The following ARB2A variants were observed in gnomAD, a reference collection of about 807,000 sequenced individuals.
ARB2A encodes the protein ARB2 cotranscriptional regulator A, also known as cotranscriptional regulator ARB2A.
chr5:94,011,254 C>A, the ARB2A span, among the ~76,000 whole-genome samples: 1 of 152,164 alleles, frequency 6.6e-6, no homozygotes, highest in Non-Finnish European at 1.5e-5. Flanking sequence ...AAGTGCTCCT[C>A]GGCCTAGTGC....
At chr5:94,097,012 T>C in the ARB2A span, among the ~76,000 whole-genome samples, 1 of 152,148 alleles carries the variant, frequency 6.6e-6, no homozygotes, top group Non-Finnish European at 1.5e-5. Flanking sequence ...GGAGAGCTGC[T>C]TGGAGAAGTG....
the ARB2A span, among the ~76,000 whole-genome samples, chr5:94,072,627 A>G: frequency 6.6e-6 from 1 of 152,098 alleles, no homozygotes; most frequent in Non-Finnish European, 1.5e-5. Context: ...ACTAATACAT[A>G]CGAACTAAGA....
chr5:94,027,342 C>G, the ARB2A span, among the ~76,000 whole-genome samples: 1 of 152,198 alleles, frequency 6.6e-6, no homozygotes, highest in Non-Finnish European at 1.5e-5. Context: ...GGGGGCCAGT[C>G]ACCAGAAAGA....
At chr5:93,979,704 C>G in the ARB2A span, among the ~76,000 whole-genome samples, 222 of 152,000 alleles carry the variant, frequency 1.5e-3, 3 homozygotes, top group Non-Finnish European at 2.2e-4. Context: ...AGGTTTTATT[C>G]TTTGTAGTTA....
At chr5:94,011,968 A>G in the ARB2A span, among the ~76,000 whole-genome samples, 1 of 151,246 alleles carries the variant, frequency 6.6e-6, no homozygotes, top group Admixed American at 6.6e-5. Flanking sequence ...AGACGAGGCA[A>G]AGGACACGGA....
the ARB2A span, among the ~76,000 whole-genome samples, chr5:93,775,325 T>A: frequency 2.0e-5 from 3 of 152,224 alleles, no homozygotes; most frequent in African/African-American, 7.2e-5. Context: ...CATAAAGTAG[T>A]TTGTGTTCCA....
At chr5:94,043,237 C>G in the ARB2A span, among the ~76,000 whole-genome samples, 1 of 152,030 alleles carries the variant, frequency 6.6e-6, no homozygotes, top group African/African-American at 2.4e-5. Flanking sequence ...ATAGACTGAA[C>G]CAATAGAAAA....
chr5:93,779,147 G>A, the ARB2A span, among the ~76,000 whole-genome samples: 3 of 151,594 alleles, frequency 2.0e-5, no homozygotes, highest in Non-Finnish European at 2.9e-5. Flanking sequence ...GCACGTGCAG[G>A]GGCATGTGGC....
chr5:94,040,864 T>C, the ARB2A span, among the ~76,000 whole-genome samples: 1 of 152,150 alleles, frequency 6.6e-6, no homozygotes, highest in Non-Finnish European at 1.5e-5. Context: ...CAGTTTGATA[T>C]TGGGTGCTAA....
the ARB2A span, among the ~76,000 whole-genome samples, chr5:93,777,862 T>G: frequency 6.6e-6 from 1 of 152,164 alleles, no homozygotes; most frequent in East Asian, 1.9e-4. Context: ...GAGGAATGGC[T>G]TTTGAATAGA....
the ARB2A span, among the ~76,000 whole-genome samples, chr5:93,656,656 T>G: frequency 6.6e-6 from 1 of 152,124 alleles, no homozygotes; most frequent in Non-Finnish European, 1.5e-5. Flanking sequence ...CACATTTAAA[T>G]AGATTTTTAA....
At chr5:93,662,872 T>C in the ARB2A span, among the ~76,000 whole-genome samples, 2 of 152,238 alleles carry the variant, frequency 1.3e-5, no homozygotes, top group Admixed American at 6.5e-5. Flanking sequence ...CAGAAATTAT[T>C]TCTCACAGTT....
chr5:94,038,469 G>C, the ARB2A span, among the ~76,000 whole-genome samples: 5 of 151,972 alleles, frequency 3.3e-5, no homozygotes, highest in South Asian at 4.1e-4. Context: ...ATTTTTTAAA[G>C]CTCTATGTGG....
chr5:94,077,129 C>CT, the ARB2A span, among the ~76,000 whole-genome samples: 2 of 151,776 alleles, frequency 1.3e-5, no homozygotes, highest in South Asian at 4.2e-4. Context: ...AATCCCAGCA[C>CT]TTTCGGAGGC....
the ARB2A span, among the ~76,000 whole-genome samples, chr5:93,848,378 T>C: frequency 8.7e-5 from 13 of 149,184 alleles, no homozygotes; most frequent in East Asian, 7.8e-4. Context: ...CGAGACTCTG[T>C]CTAAAGATTA....
At chr5:93,906,889 T>A in the ARB2A span, among the ~76,000 whole-genome samples, 3 of 151,532 alleles carry the variant, frequency 2.0e-5, no homozygotes, top group African/African-American at 7.2e-5. Flanking sequence ...TGCTCTACCT[T>A]GTCTCCCCAA....
the ARB2A span, among the ~76,000 whole-genome samples, chr5:94,041,878 A>G: frequency 6.6e-6 from 1 of 152,170 alleles, no homozygotes; most frequent in African/African-American, 2.4e-5. Context: ...GGTGTGTCTT[A>G]GGCTAGTCTC....
the ARB2A span, among the ~76,000 whole-genome samples, chr5:93,839,014 AT>A: frequency 3.9e-5 from 6 of 152,130 alleles, no homozygotes; most frequent in African/African-American, 2.4e-5. Context: ...CTCTCTTCCT[AT>A]TTGGGTGCCT....
the ARB2A span, among the ~76,000 whole-genome samples, chr5:93,676,271 G>A: frequency 1.3e-5 from 2 of 152,016 alleles, no homozygotes; most frequent in South Asian, 4.1e-4. Flanking sequence ...TGTCATTACA[G>A]CACCTGTTCC....
Sources: allele counts gnomAD v4.1 joint callset (sites outside exome capture counted in the v4.1 genomes callset), GRCh38; gene constraint gnomAD v4.1.1; transcripts MANE v1.5; gene names NCBI Gene and HGNC (gene_info 2026-07-23, HGNC 2026-07-21).